PLD2: variants seen among roughly 807,000 people sequenced by gnomAD.
PLD2 encodes choline phosphatase 2.
Under a neutral mutation model 119.8 loss-of-function variants are expected in PLD2, and 101 were observed. The ratio of observed to expected loss-of-function variants is 0.84; its 90% CI spans 0.72 to 0.99. The LOEUF (loss-of-function observed/expected upper bound fraction) is 0.99. Among genes scored for constraint, PLD2 ranks in the 50% least tolerant of loss-of-function variants. The pLI is 0.00. For synonymous variants in PLD2, 494 were observed against 482.8 expected (o/e 1.02, Z -0.30); for missense variants, 1,164 against 1,226.8 (o/e 0.95, Z 0.76).
At chr17:4,809,616 G>T in intron 7 of PLD2, 65 bp downstream of exon 7, 1 of 1,609,188 alleles carries the variant, frequency 6.2e-7, no homozygotes, top group African/African-American at 1.3e-5. Context: ...CCCTGCCTGA[G>T]ATTGGGGCAA....
rs370373638 is a variant in PLD2 at position 4,811,048 on chromosome 17, TC to T, written c.1010+99del. ...ATCCTCTCTTTTCTCATCTGAACCC[TC>T]CTGACCTCAATGACCCGCCCCGTGA... On this transcript the variant is annotated intron_variant, in intron 10 of 24. Transcript: ENST00000263088. The T allele has an allele frequency of 7.9e-4, 982 of 1,244,398 alleles. 11 individuals carry two copies. The East Asian group carries it at 0.019, about 24-fold the overall frequency. 77.1% of individuals were successfully genotyped at this position (1,244,398 alleles called of 1,614,324 possible). A position where few individuals can be genotyped will look rare whatever the true frequency, so the allele number is the denominator to read the frequency against.
At chr17:4,815,642 C>G (rs1906890619) in intron 13 of PLD2, 56 bp downstream of exon 13, 1 of 1,577,112 alleles carries the variant, frequency 6.3e-7, no homozygotes, top group African/African-American at 1.3e-5. Flanking sequence ...CCACACTGTC[C>G]CAGCCCCCAG....
At chr17:4,816,182 G>C (rs1906953316) in intron 14 of PLD2, among the ~76,000 whole-genome samples, 1 of 152,102 alleles carries the variant, frequency 6.6e-6, no homozygotes. Flanking sequence ...TGGAGTTCGA[G>C]ACCAGCCTGA....
chr17:4,818,447 TG>T (rs1907263203), intron 19 of PLD2, 46 bp from the exon 20 acceptor site: 1 of 1,602,640 alleles, frequency 6.2e-7, no homozygotes, highest in Non-Finnish European at 8.5e-7. Context: ...TTGAAGGGGG[TG>T]GGGTTTGAGG....
In PLD2 at chr17:4,823,424, G is replaced by C. The variant is rs1427460446; in HGVS notation, c.*560G>C. Reference sequence around the variant, plus strand: ...TAAGCATTTCATAAATAAAGGTGTAGAAAAGGTTCATGCGTCTTCCTTGGA... The same window carrying C: ...TAAGCATTTCATAAATAAAGGTGTACAAAAGGTTCATGCGTCTTCCTTGGA... On this transcript the variant is annotated 3_prime_UTR_variant, in exon 25 of 25. Transcript: ENST00000263088. The C allele has an allele frequency of 6.5e-6, 1 of 153,052 alleles. No individual in the cohort carries two copies. The highest frequency in any genetic ancestry group is 2.4e-5 in the African/African-American group (1 of 41,458). The allele number at this position is 153,052 out of a possible 1,614,324, so 9.5% of individuals were successfully genotyped here.
intron 23 of PLD2, among the ~76,000 whole-genome samples, chr17:4,820,496 G>A (rs1277049925): frequency 1.4e-5 from 2 of 140,788 alleles, no homozygotes; most frequent in South Asian, 2.2e-4. Flanking sequence ...TTGAACTCCT[G>A]ACCTCAGGCT....
chr17:4,818,617 C>T lies in PLD2; in HGVS notation c.2123+10C>T. 6.3e-7 allele frequency: 1 copy of T among 1,596,818 alleles called. No homozygotes were observed. The highest frequency in any genetic ancestry group is 8.6e-7 in the Non-Finnish European group (1 of 1,164,272). On this transcript the variant is annotated intron_variant, in intron 20 of 24. Coordinates refer to ENST00000263088, the MANE Select transcript of PLD2 (RefSeq NM_002663.5). The stretch of plus-strand genomic sequence containing the variant: ...TGCACTTTACTTACAGGTGACCCCC[C>T]AGGCGGACTCCAGCTCTCAGTGGCC...
chr17:4,816,540 A>T (rs1488211592), intron 14 of PLD2, 80 bp from the exon 15 acceptor site: 1 of 1,410,230 alleles, frequency 7.1e-7, no homozygotes, highest in Non-Finnish European at 1.0e-6. Context: ...TCACTCTTTC[A>T]GTGCTCCTCT....
rs551442816 is a variant in PLD2 at position 4,820,766 on chromosome 17, C to T, written c.2463-1027C>T. 4.8e-3 allele frequency among the ~76,000 whole-genome samples: 671 copies of T among 140,504 alleles called. 3 individuals are homozygous for T. Among genetic ancestry groups the T allele is most frequent in the African/African-American group, 0.016 (587 of 37,654 alleles). The allele number at this position is 140,504 out of a possible 152,430, so 92.2% of individuals were successfully genotyped here. ...TAATTTTTTGTATTTTTAGTAGAGA[C>T]GGGGTTTCACCGTGTTAGCCAGGAT... is the stretch of plus-strand genomic sequence containing the variant. On this transcript the variant is annotated intron_variant, in intron 23 of 24. Coordinates refer to ENST00000263088, the MANE Select transcript of PLD2 (RefSeq NM_002663.5).
chr17:4,819,822 A>C lies in PLD2; in HGVS notation c.2462+240A>C, dbSNP rs1317774561. On this transcript the variant is annotated intron_variant, in intron 23 of 24. Transcript: ENST00000263088. This position sits in a 1 kb window ranked among gnomAD's most constrained non-coding sequence, Gnocchi z 4.2. Reference sequence around the variant, plus strand: ...AGACCAGCCTGGCTAACATAGTGAAACCCGTCTCTACTAAAAATACAAAAA... The same window carrying C: ...AGACCAGCCTGGCTAACATAGTGAACCCCGTCTCTACTAAAAATACAAAAA... Among the ~76,000 whole-genome samples the C allele has an allele frequency of 6.6e-6, 1 of 152,082 alleles. No individual in the cohort carries two copies. The highest frequency in any genetic ancestry group is 2.4e-5 in the African/African-American group (1 of 41,408).
Position 4,822,925 on chromosome 17 carries a change from C to A in PLD2, c.*61C>A. ...GTGCCCCACCACGTCTGGCTCCCTG[C>A]CCCTTAACCCCAAGGACTGAGGGCA... On this transcript the variant is annotated 3_prime_UTR_variant, in exon 25 of 25. Coordinates refer to ENST00000263088, the MANE Select transcript of PLD2 (RefSeq NM_002663.5). The A allele has an allele frequency of 1.1e-6, 1 of 914,776 alleles. No individual in the cohort carries two copies. The highest frequency in any genetic ancestry group is 1.7e-6 in the Non-Finnish European group (1 of 577,650). The allele number at this position is 914,776 out of a possible 1,614,324, so 56.7% of individuals were successfully genotyped here.
chr17:4,808,085 G>A lies in PLD2; in HGVS notation c.211G>A (p.Gly71Ser). The part of the protein sequence containing the change: ...PGVPVTAQVV[G>S]TERYTSGSKV... ...GGTCCCTGTCACAGCCCAGGTGGTG[G>A]GCACCGAAAGATATACCAGCGGATC... is the stretch of plus-strand genomic sequence containing the variant. The change falls in exon 3 of 25, where the codon GGC becomes AGC. Residue 71 changes from glycine (G) to serine (S), a missense_variant. Physicochemically the swap from Gly to Ser is moderately conservative, Grantham distance 56 (BLOSUM62 0). Transcript: ENST00000263088. This position sits in a 1 kb window ranked among gnomAD's most constrained non-coding sequence, Gnocchi z 4.1. 1.2e-6 allele frequency: 2 copies of A among 1,611,844 alleles called. No individual in the cohort carries two copies. Among genetic ancestry groups the A allele is most frequent in the Non-Finnish European group, 1.7e-6 (2 of 1,178,184 alleles).
Position 4,807,740 on chromosome 17 carries a change from C to G in PLD2, c.-1-32C>G. 7.9e-7 allele frequency: 1 copy of G among 1,270,728 alleles called. No homozygotes were observed. The highest frequency in any genetic ancestry group is 1.1e-6 in the Non-Finnish European group (1 of 882,476). The allele number at this position is 1,270,728 out of a possible 1,614,324, so 78.7% of individuals were successfully genotyped here. On this transcript the variant is annotated intron_variant, in intron 1 of 24. Coordinates refer to ENST00000263088, the MANE Select transcript of PLD2 (RefSeq NM_002663.5). This position sits in a 1 kb window ranked among gnomAD's most constrained non-coding sequence, Gnocchi z 5.4. ...ATGGGGGGCGGGTTCTGCAGGACAG[C>G]TCGCCTCCCTGAGGCTTCCCAATGT... is the stretch of plus-strand genomic sequence containing the variant.
At chr17:4,821,990 C>T in intron 24 of PLD2, 83 bp downstream of exon 24, 1 of 841,366 alleles carries the variant, frequency 1.2e-6, no homozygotes, top group Non-Finnish European at 2.0e-6. Context: ...AGAGAAGCGC[C>T]ACCATACAGT....
chr17:4,822,229 G>C (rs1597341292), intron 24 of PLD2, among the ~76,000 whole-genome samples: 1 of 152,004 alleles, frequency 6.6e-6, no homozygotes, highest in Non-Finnish European at 1.5e-5. Flanking sequence ...TGAGGCAGGA[G>C]AATCTCTTGA....
Position 4,808,218 on chromosome 17 carries a change from A to G in PLD2, c.241-56A>G. 6.3e-7 allele frequency: 1 copy of G among 1,598,912 alleles called. No individual in the cohort carries two copies. Among genetic ancestry groups the G allele is most frequent in the South Asian group, 1.1e-5 (1 of 89,796 alleles). Reference sequence around the variant, plus strand: ...AAGGGGCAAAAGGAGGGCTGGCCAGAGTGGGGAGGCGGGGACCCACGCAGG... The same window carrying G: ...AAGGGGCAAAAGGAGGGCTGGCCAGGGTGGGGAGGCGGGGACCCACGCAGG... On this transcript the variant is annotated intron_variant, in intron 3 of 24. Transcript: ENST00000263088. This position sits in a 1 kb window ranked among gnomAD's most constrained non-coding sequence, Gnocchi z 4.1.
At position 4,810,003 on chromosome 17, in the gene PLD2, C is replaced by A. The variant is rs745698306; in HGVS notation, c.834C>A (p.His278Gln). ...GGAAAAGGAGCACGGAGGCACGGCA[C>A]GGCGTGCGGATCGATACCTCCCACA... is the stretch of plus-strand genomic sequence containing the variant. ...QVGKRSTEAR[H>Q]GVRIDTSHRS... Residue 278 changes from histidine (H) to glutamine (Q), a missense_variant, in exon 9 of 25, where the codon CAC becomes CAA. His to Gln is a conservative substitution (Grantham distance 24). Transcript: ENST00000263088. 6.2e-7 allele frequency: 1 copy of A among 1,613,504 alleles called. No homozygotes were observed. Among genetic ancestry groups the A allele is most frequent in the South Asian group, 1.1e-5 (1 of 91,048 alleles).
intron 17 of PLD2, 120 bp downstream of exon 17, chr17:4,817,379 A>G (rs1907094148): frequency 2.7e-6 from 2 of 748,954 alleles, no homozygotes; most frequent in South Asian, 2.9e-5. Flanking sequence ...GAAGCACATC[A>G]CGGCCAGGCA....
At position 4,809,162 on chromosome 17, in the gene PLD2, G is replaced by T; in HGVS notation, c.446G>T (p.Arg149Leu). Residue 149 changes from arginine to leucine, a missense_variant, in exon 5 of 25, where the codon CGG (arginine) becomes CTG (leucine). Physicochemically the swap from Arg to Leu is moderately radical, Grantham distance 102. Coordinates refer to ENST00000263088, the MANE Select transcript of PLD2 (RefSeq NM_002663.5). ...AGNREMPSLP[R>L]AGPEGSTRHA... is the part of the protein sequence containing the mutation. ...AACAGAGAGATGCCCTCTCTACCCCGGGCAGGTCCTGAGGGCTCCACCAGA... is the reference window on the plus strand; with the variant it reads ...AACAGAGAGATGCCCTCTCTACCCCTGGCAGGTCCTGAGGGCTCCACCAGA... The T allele has an allele frequency of 6.2e-7, 1 of 1,614,158 alleles. No homozygotes were observed. The highest frequency in any genetic ancestry group is 8.5e-7 in the Non-Finnish European group (1 of 1,180,030).
Sources: allele counts gnomAD v4.1 joint callset (sites outside exome capture counted in the v4.1 genomes callset), GRCh38; gene constraint gnomAD v4.1.1; non-coding constraint Gnocchi (gnomAD v3.1); transcripts MANE v1.5; gene names NCBI Gene and HGNC (gene_info 2026-07-23, HGNC 2026-07-21).